MICALL2: variants seen among roughly 807,000 people sequenced by gnomAD.
MICALL2 encodes the protein MICAL like 2, also known as MICAL-like protein 2.
MICALL2 carries 111 observed loss-of-function variants against 91.1 expected under a neutral mutation model. That is an observed-to-expected ratio of 1.22 (90% CI 1.04 to 1.43). MICALL2 has a LOEUF of 1.43. Ranked by LOEUF, MICALL2 falls within the 40% of genes most tolerant of loss-of-function variation. MICALL2 has a pLI of 0.00. For missense variants in MICALL2, 1,556 were observed against 1,236.0 expected, an observed-to-expected ratio of 1.26 and a Z score of -3.88; for synonymous variants, 694 against 525.3, an observed-to-expected ratio of 1.32 and a Z score of -4.39.
chr7:1,435,599 C>G (rs1000710216), intron 15 of MICALL2, among the ~76,000 whole-genome samples: 1 of 152,254 alleles, frequency 6.6e-6, no homozygotes, highest in Non-Finnish European at 1.5e-5. Flanking sequence ...GCCAAGGCCC[C>G]GTCACGCTCC....
intron 1 of MICALL2, among the ~76,000 whole-genome samples, chr7:1,453,049 G>A (rs1780892632): frequency 6.6e-6 from 1 of 151,798 alleles, no homozygotes; most frequent in South Asian, 2.1e-4. Context: ...CTGAGCAGCT[G>A]AGCTCAGGGG....
intron 14 of MICALL2, chr7:1,437,304 G>A (rs1780021293): frequency 8.0e-6 from 4 of 502,020 alleles, no homozygotes; most frequent in Non-Finnish European, 1.4e-5. Context: ...GGTGCTACAA[G>A]CATCCTCACT....
At chr7:1,449,467 G>A (rs563376140) in intron 2 of MICALL2, among the ~76,000 whole-genome samples, 9 of 152,308 alleles carry the variant, frequency 5.9e-5, no homozygotes, top group African/African-American at 1.9e-4. Context: ...GCACCACCAC[G>A]CCCCACTAAT....
Position 1,447,643 on chromosome 7 carries a change from A to G in MICALL2, c.457T>C (p.Ser153Pro). Residue 153 changes from serine (S) to proline (P), a missense_variant, in exon 4 of 17, where the codon TCT becomes CCT. Physicochemically the swap from Ser to Pro is moderately conservative, Grantham distance 74 (BLOSUM62 -1). Transcript: ENST00000297508. ...SPAPARKPPL[S>P]PAQTNPVVQR... ...ACCACAGGGTTTGTCTGGGCTGGAG[A>G]TAGTGGAGGCTTCCGGGCTGGGGCG... The G allele has an allele frequency of 6.3e-7, 1 of 1,597,192 alleles. No individual in the cohort carries two copies. The highest frequency in any genetic ancestry group is 8.5e-7 in the Non-Finnish European group (1 of 1,172,850).
rs1780844476 is a variant in MICALL2, at chr7:1,451,883, G to C, written c.144-1595C>G. 6.6e-6 allele frequency among the ~76,000 whole-genome samples: 1 copy of C among 152,160 alleles called. No individual in the cohort carries two copies. The highest frequency in any genetic ancestry group is 2.1e-4 in the South Asian group (1 of 4,826). On this transcript the variant is annotated intron_variant, in intron 1 of 16. Transcript: ENST00000297508. This position sits in a 1 kb window ranked among gnomAD's most constrained non-coding sequence, Gnocchi z 4.5. ...GCCTGCACAGCCCTTGCCAGGCCCT[G>C]ACCCCCATAAGAATGCTCCGAGGCC...
Position 1,445,093 on chromosome 7 carries a change from C to G in MICALL2, c.977G>C (p.Arg326Pro). The change falls in exon 6 of 17, where the codon CGC becomes CCC. Residue 326 changes from arginine (R) to proline (P), a missense_variant. Physicochemically the swap from Arg to Pro is moderately radical, Grantham distance 103. Transcript: ENST00000297508. ...CCCCTCCGTGGGAGTGGGGGCCAGG[C>G]GGCTCTCAGAGGGCCTGGCTGGGCT... ...VRSPARPSES[R>P]LAPTPTEGKV... 1 of 1,551,928 alleles carries G rather than the reference C, an allele frequency of 6.4e-7. No individual in the cohort carries two copies.
At chr7:1,447,819 C>G in intron 3 of MICALL2, 54 bp from the exon 4 acceptor site, 1 of 1,361,040 alleles carries the variant, frequency 7.3e-7, no homozygotes. Flanking sequence ...CTGAAAGGGT[C>G]TAGTCCCTCC....
At chr7:1,439,226 AG>A in intron 9 of MICALL2, 1 of 527,136 alleles carries the variant, frequency 1.9e-6, no homozygotes, top group East Asian at 3.1e-5. Flanking sequence ...AAGGTCACAC[AG>A]GAAGTGGCAC....
chr7:1,455,020 T>G (rs1448869251), intron 1 of MICALL2, among the ~76,000 whole-genome samples: 1 of 152,138 alleles, frequency 6.6e-6, no homozygotes, highest in Non-Finnish European at 1.5e-5. Context: ...TCCCAAGGCC[T>G]GGCCACAAAT....
chr7:1,444,536 T>TC, intron 6 of MICALL2, 116 bp downstream of exon 6: 1 of 1,028,028 alleles, frequency 9.7e-7, no homozygotes, highest in Non-Finnish European at 1.4e-6. Context: ...GGAAGTGCAG[T>TC]CCCCAAGGCC....
chr7:1,457,211 G>A (rs768688095), intron 1 of MICALL2, among the ~76,000 whole-genome samples: 1 of 152,204 alleles, frequency 6.6e-6, no homozygotes, highest in Non-Finnish European at 1.5e-5. Flanking sequence ...CCAACTGAAA[G>A]GCCCTTATCT....
At chr7:1,453,783 T>C (rs773242621) in intron 1 of MICALL2, among the ~76,000 whole-genome samples, 1 of 152,114 alleles carries the variant, frequency 6.6e-6, no homozygotes, top group African/African-American at 2.4e-5. Flanking sequence ...AGGTATACCA[T>C]GGCCCGGCTC....
In MICALL2 at chr7:1,444,871, G is replaced by A. The variant is rs368819552; in HGVS notation, c.1199C>T (p.Thr400Met). Residue 400 changes from threonine to methionine, a missense_variant, in exon 6 of 17, where the codon ACG becomes ATG. Thr to Met is a moderately conservative substitution (Grantham distance 81, BLOSUM62 -1). Coordinates refer to ENST00000297508, the MANE Select transcript of MICALL2 (RefSeq NM_182924.4). ...CGGGGTCCAGGCTGGGGGGTCCACC[G>A]TGGCTGCAGATGTGGAGCTTGAACT... The part of the protein sequence containing the change: ...TLSSSSTSAA[T>M]VDPPAWTPSA... The A allele has an allele frequency of 1.2e-4, 198 of 1,596,918 alleles. 1 individual carries two copies. Among genetic ancestry groups the A allele is most frequent in the Middle Eastern group, 5.0e-4 (3 of 5,956 alleles).
chr7:1,435,186 T>C (rs781709394), intron 15 of MICALL2, 39 bp from the exon 16 acceptor site: 1 of 1,609,618 alleles, frequency 6.2e-7, no homozygotes, highest in Non-Finnish European at 8.5e-7. Flanking sequence ...ACAATGGCAA[T>C]GGCAAGGTGC....
chr7:1,442,298 G>A lies in MICALL2; in HGVS notation c.1605C>T (p.Gly535=). The change falls in exon 7 of 17, where the codon GGC becomes GGT. Residue 535 remains glycine, a synonymous_variant. Coordinates refer to ENST00000297508, the MANE Select transcript of MICALL2 (RefSeq NM_182924.4). ...TSQASALPPA[G]RRNLAESSGV... is the part of the protein sequence containing the mutation. ...CTGAGGATTCCGCCAAGTTCCTCCT[G>A]CCTGCCGGGGGCAACGCGGATGCCT... 1 of 1,613,100 alleles carries A rather than the reference G, an allele frequency of 6.2e-7. No homozygotes were observed.
intron 6 of MICALL2, among the ~76,000 whole-genome samples, chr7:1,443,277 G>A (rs1378170542): frequency 6.7e-6 from 1 of 148,846 alleles, no homozygotes; most frequent in Non-Finnish European, 1.5e-5. Flanking sequence ...ACACCCCCCA[G>A]TGCCAGGAGG....
In MICALL2 at chr7:1,445,169, G is replaced by T. The variant is rs1442205004; in HGVS notation, c.901C>A (p.Pro301Thr). The T allele has an allele frequency of 3.2e-6, 5 of 1,583,116 alleles. No homozygotes were observed. The highest frequency in any genetic ancestry group is 3.4e-6 in the Non-Finnish European group (4 of 1,165,806). The stretch of plus-strand genomic sequence containing the variant: ...GTGGCTGCAGGGTTGGGTGCAGCTG[G>T]AACGGAAGCCCTGGCAGGCGAGTTG... Reference protein sequence around the residue: ...AGNSPARASVPAAPNPAATSA... With the variant: ...AGNSPARASVTAAPNPAATSA... Residue 301 changes from proline (P) to threonine (T), a missense_variant, in exon 6 of 17, where the codon CCA (proline) becomes ACA (threonine). Pro to Thr is a conservative substitution (Grantham distance 38). Transcript: ENST00000297508.
chr7:1,434,981 A>ACCCAC, intron 16 of MICALL2, 120 bp downstream of exon 16: 2 of 372,302 alleles, frequency 5.4e-6, no homozygotes, highest in South Asian at 2.0e-5. Context: ...GGGACCCGAT[A>ACCCAC]CCCGCCCCCC....
At chr7:1,453,314 C>CAT (rs1187666550) in intron 1 of MICALL2, among the ~76,000 whole-genome samples, 1 of 152,032 alleles carries the variant, frequency 6.6e-6, no homozygotes, top group Non-Finnish European at 1.5e-5. Flanking sequence ...CTGGTGTCCT[C>CAT]ATAAAAGGGA....
Sources: gnomAD v4.1 joint callset for allele counts (sites outside exome capture counted in the v4.1 genomes callset) on GRCh38, gnomAD v4.1.1 for gene constraint, Gnocchi (gnomAD v3.1) non-coding constraint, MANE v1.5 for transcripts, NCBI Gene and HGNC (gene_info 2026-07-23, HGNC 2026-07-21) for gene names.